Variants in YWHAH observed in about 807,000 individuals in gnomAD.
YWHAH encodes 14-3-3 protein eta.
YWHAH carries 6 observed loss-of-function variants against 22.9 expected under a neutral mutation model. The observed-to-expected ratio is 0.26, with a 90% CI of 0.14 to 0.52. The LOEUF is 0.52. Among genes scored for constraint, YWHAH ranks in the 20% least tolerant of loss-of-function variants. The pLI, the probability that YWHAH is intolerant of heterozygous loss-of-function variation, is 0.97. For missense variants in YWHAH, 173 were observed against 308.6 expected, an observed-to-expected ratio of 0.56 and a Z score of 3.29; for synonymous variants, 135 against 124.5, an observed-to-expected ratio of 1.08 and a Z score of -0.56.
chr22:31,944,987 C>T (rs2093831466), intron 1 of YWHAH, 167 bp downstream of exon 1: 1 of 1,119,886 alleles, frequency 8.9e-7, no homozygotes, highest in Non-Finnish European at 1.1e-6. Context: ...CCGCTGGGCG[C>T]CCCGCCACTT....
intron 1 of YWHAH, among the ~76,000 whole-genome samples, chr22:31,953,488 G>C (rs2093845847): frequency 6.6e-6 from 1 of 152,180 alleles, no homozygotes; most frequent in Admixed American, 6.5e-5. Flanking sequence ...TTACAACATA[G>C]ACATGTGACC....
intron 1 of YWHAH, among the ~76,000 whole-genome samples, chr22:31,946,955 C>T (rs1029391476): frequency 1.8e-4 from 27 of 152,118 alleles, no homozygotes; most frequent in African/African-American, 5.8e-4. Context: ...CCATTTCTCC[C>T]CCATCATCTA....
intron 1 of YWHAH, chr22:31,945,256 G>T: frequency 8.7e-7 from 1 of 1,149,424 alleles, no homozygotes; most frequent in Non-Finnish European, 1.1e-6. Flanking sequence ...CCCTGTCTCA[G>T]CTGGTTTTCT....
In YWHAH at chr22:31,956,859, A is replaced by G. The variant is rs992644030; in HGVS notation, c.*67A>G. 1 of 1,482,348 alleles carries G rather than the reference A, an allele frequency of 6.7e-7. No homozygotes were observed. Among genetic ancestry groups the G allele is most frequent in the African/African-American group, 1.4e-5 (1 of 71,286 alleles). 91.8% of individuals were successfully genotyped at this position (1,482,348 alleles called of 1,614,324 possible). A position where few individuals can be genotyped will look rare whatever the true frequency, so the allele number is the denominator to read the frequency against. Reference sequence around the variant, plus strand: ...CCATCATCACCGATTCTTCCTTGCCACAATCACTAAATATCTAGTGCTAAA... The same window carrying G: ...CCATCATCACCGATTCTTCCTTGCCGCAATCACTAAATATCTAGTGCTAAA... On this transcript the variant is annotated 3_prime_UTR_variant, in exon 2 of 2. Transcript: ENST00000248975. The surrounding 1 kb of genome is among the most constrained non-coding windows in gnomAD (Gnocchi z 5.1).
intron 1 of YWHAH, chr22:31,945,182 G>T (rs1008731149): frequency 2.2e-5 from 25 of 1,114,198 alleles, no homozygotes; most frequent in Non-Finnish European, 2.7e-5. Context: ...CCGGACCCGG[G>T]GGCTCCCCCT....
At chr22:31,950,967 G>A (rs568700775) in intron 1 of YWHAH, among the ~76,000 whole-genome samples, 14 of 152,240 alleles carry the variant, frequency 9.2e-5, no homozygotes, top group African/African-American at 3.4e-4. Context: ...CACAGTCCTG[G>A]CTCACTGCAA....
At chr22:31,945,035 G>A (rs2093831588) in intron 1 of YWHAH, 1 of 1,117,016 alleles carries the variant, frequency 9.0e-7, no homozygotes, top group African/African-American at 1.6e-5. Context: ...CCGGGAGGGT[G>A]CAGTTCGGGA....
intron 1 of YWHAH, among the ~76,000 whole-genome samples, chr22:31,951,265 G>T (rs1389395638): frequency 1.3e-5 from 2 of 152,078 alleles, no homozygotes; most frequent in Admixed American, 6.6e-5. Flanking sequence ...TTCTGCCAAA[G>T]AAGCTTAAAG....
chr22:31,955,740 C>CCTGT, intron 1 of YWHAH, among the ~76,000 whole-genome samples: 1 of 152,174 alleles, frequency 6.6e-6, no homozygotes, highest in Non-Finnish European at 1.5e-5. Flanking sequence ...TCGCGCCCGG[C>CCTGT]CTGTTCAGAG....
Position 31,956,366 on chromosome 22 carries a change from C to T in YWHAH, c.315C>T (p.Asp105=), listed in dbSNP as rs751039885. 6.2e-6 allele frequency: 10 copies of T among 1,614,022 alleles called. No homozygotes were observed. Among genetic ancestry groups the T allele is most frequent in the Non-Finnish European group, 8.5e-6 (10 of 1,180,054 alleles). ...TVCNDVLSLL[D]KFLIKNCNDF... The stretch of plus-strand genomic sequence containing the variant: ...GCAATGATGTCCTGTCTCTGCTTGA[C>T]AAGTTCCTGATCAAGAACTGCAATG... The change falls in exon 2 of 2, where the codon GAC becomes GAT. Residue 105 remains aspartate, a synonymous_variant. Transcript: ENST00000248975. The surrounding 1 kb of genome is among the most constrained non-coding windows in gnomAD (Gnocchi z 5.1).
chr22:31,949,307 C>G (rs5994458), intron 1 of YWHAH, among the ~76,000 whole-genome samples: 57,088 of 150,910 alleles, frequency 0.38, 10,929 homozygotes, highest in Non-Finnish European at 0.4. Flanking sequence ...GCCATGCCCG[C>G]CTAATTTTGT....
Position 31,956,600 on chromosome 22 carries a change from C to T in YWHAH, c.549C>T (p.Tyr183=), listed in dbSNP as rs2093849916. Residue 183 remains tyrosine (Y), a synonymous_variant, in exon 2 of 2, where the codon TAC becomes TAT. Transcript: ENST00000248975. This position sits in a 1 kb window ranked among gnomAD's most constrained non-coding sequence, Gnocchi z 5.1. The part of the protein sequence containing the change: ...LGLALNFSVF[Y]YEIQNAPEQA... ...TGGCCCTCAACTTCTCCGTGTTCTA[C>T]TATGAGATCCAGAATGCACCTGAGC... 5 of 1,614,170 alleles carry T rather than the reference C, an allele frequency of 3.1e-6. No individual in the cohort carries two copies.
chr22:31,951,870 T>C (rs2093843738), intron 1 of YWHAH, among the ~76,000 whole-genome samples: 1 of 152,238 alleles, frequency 6.6e-6, no homozygotes, highest in South Asian at 2.1e-4. Flanking sequence ...CCTTTGTGCA[T>C]GGGAAGAGCC....
At chr22:31,955,896 C>G (rs1182475512) in intron 1 of YWHAH, among the ~76,000 whole-genome samples, 3 of 152,314 alleles carry the variant, frequency 2.0e-5, no homozygotes, top group African/African-American at 4.8e-5. Flanking sequence ...ATGAATTTCT[C>G]AAGCCCCTAT....
chr22:31,954,210 A>C (rs1569276538), intron 1 of YWHAH, among the ~76,000 whole-genome samples: 2 of 152,188 alleles, frequency 1.3e-5, no homozygotes, highest in Non-Finnish European at 2.9e-5. Flanking sequence ...GATTGGTTTA[A>C]GTAATACCTT....
chr22:31,944,921 C>T lies in YWHAH; in HGVS notation c.87+101C>T, dbSNP rs560140289. 1.2e-3 allele frequency: 1,322 copies of T among 1,139,902 alleles called. 4 individuals carry two copies. The highest frequency in any genetic ancestry group is 1.2e-3 in the Non-Finnish European group (1,152 of 923,958). The allele number at this position is 1,139,902 out of a possible 1,614,324, so 70.6% of individuals were successfully genotyped here. A position where few individuals can be genotyped will look rare whatever the true frequency, so the allele number is the denominator to read the frequency against. On this transcript the variant is annotated intron_variant, in intron 1 of 1. Transcript: ENST00000248975. ...CGTTCCCCTCCCGGCCATGGGCGAC[C>T]CGGCGACCCGGCTGGGCGTGGCCGC...
rs1456313837 is a variant in YWHAH at position 31,956,507 on chromosome 22, T to C, written c.456T>C (p.Ala152=). ...KKNSVVEASE[A]AYKEAFEISK... is the part of the protein sequence containing the mutation. Reference sequence around the variant, plus strand: ...ACAGTGTGGTCGAAGCTTCTGAAGCTGCCTACAAGGAAGCCTTTGAAATCA... The same window carrying C: ...ACAGTGTGGTCGAAGCTTCTGAAGCCGCCTACAAGGAAGCCTTTGAAATCA... The change falls in exon 2 of 2, where the codon GCT becomes GCC. Residue 152 remains alanine, a synonymous_variant. Transcript: ENST00000248975. The surrounding 1 kb of genome is among the most constrained non-coding windows in gnomAD (Gnocchi z 5.1). 3.1e-6 allele frequency: 5 copies of C among 1,614,106 alleles called. No homozygotes were observed. In the African/African-American group the frequency reaches 5.3e-5, roughly 17 times the overall value.
At chr22:31,953,196 A>G (rs950634932) in intron 1 of YWHAH, among the ~76,000 whole-genome samples, 1 of 152,238 alleles carries the variant, frequency 6.6e-6, no homozygotes, top group African/African-American at 2.4e-5. Context: ...TATTATTTGT[A>G]TTTTAATGCC....
chr22:31,944,554 A>C lies in YWHAH; in HGVS notation c.-180A>C. On this transcript the variant is annotated 5_prime_UTR_variant, in exon 1 of 2. Coordinates refer to ENST00000248975, the MANE Select transcript of YWHAH (RefSeq NM_003405.4). ...CGAGCCACAGCGCGCGGGGCGAGCCAGCGAGAGGGCGCGAGCGGCGGCGCT... is the reference window on the plus strand; with the variant it reads ...CGAGCCACAGCGCGCGGGGCGAGCCCGCGAGAGGGCGCGAGCGGCGGCGCT... 1 of 251,118 alleles carries C rather than the reference A, an allele frequency of 4.0e-6. No homozygotes were observed. The highest frequency in any genetic ancestry group is 1.6e-4 in the South Asian group (1 of 6,316). 15.6% of individuals were successfully genotyped at this position (251,118 alleles called of 1,614,324 possible). A position where few individuals can be genotyped will look rare whatever the true frequency, so the allele number is the denominator to read the frequency against.
Sources: allele counts gnomAD v4.1 joint callset (sites outside exome capture counted in the v4.1 genomes callset), GRCh38; gene constraint gnomAD v4.1.1; non-coding constraint Gnocchi (gnomAD v3.1); transcripts MANE v1.5; gene names NCBI Gene and HGNC (gene_info 2026-07-23, HGNC 2026-07-21).